PPP2R1A: variants seen among roughly 807,000 people sequenced by gnomAD.
PPP2R1A encodes serine/threonine-protein phosphatase 2A 65 kDa regulatory subunit A alpha isoform.
In PPP2R1A, 15 loss-of-function variants were observed where a neutral mutation model predicts 67.1. The observed-to-expected ratio is 0.22, with a 90% CI of 0.15 to 0.34. The LOEUF (loss-of-function observed/expected upper bound fraction) is 0.34. Ranked by LOEUF, PPP2R1A falls within the 10% of genes least tolerant of loss-of-function variation. The pLI, the probability that PPP2R1A is intolerant of heterozygous loss-of-function variation, is 1.00. For synonymous variants in PPP2R1A, 337 were observed against 325.0 expected (o/e 1.04, Z -0.40); for missense variants, 369 against 775.0 (o/e 0.48, Z 6.22).
chr19:52,216,185 G>A lies in PPP2R1A; in HGVS notation c.993+111G>A, dbSNP rs1013970825. On this transcript the variant is annotated intron_variant, in intron 8 of 14. Coordinates refer to ENST00000322088, the MANE Select transcript of PPP2R1A (RefSeq NM_014225.6). This position sits in a 1 kb window ranked among gnomAD's most constrained non-coding sequence, Gnocchi z 4.3. ...CTGCAAACTAGGTTCCCAGCCCTCT[G>A]GGACCAGGCAGCTCTTGGGTTTCAA... The A allele has an allele frequency of 1.6e-6, 2 of 1,224,714 alleles. No individual in the cohort carries two copies. Among genetic ancestry groups the A allele is most frequent in the African/African-American group, 1.5e-5 (1 of 66,828 alleles). The allele number at this position is 1,224,714 out of a possible 1,614,324, so 75.9% of individuals were successfully genotyped here. A position where few individuals can be genotyped will look rare whatever the true frequency, so the allele number is the denominator to read the frequency against.
chr19:52,211,776 A>G lies in PPP2R1A; in HGVS notation c.503+284A>G. On this transcript the variant is annotated intron_variant, in intron 4 of 14. Transcript: ENST00000322088. The surrounding 1 kb of genome is among the most constrained non-coding windows in gnomAD (Gnocchi z 5.3). ...AGGATTTAAAAGAATTATCACACAT[A>G]AAGTGCTTAGAGCAAAATCTGGAAC... The G allele has an allele frequency of 2.1e-6, 1 of 474,968 alleles. No individual in the cohort carries two copies. The highest frequency in any genetic ancestry group is 3.7e-6 in the Non-Finnish European group (1 of 267,936). The allele number at this position is 474,968 out of a possible 1,614,324, so 29.4% of individuals were successfully genotyped here.
chr19:52,206,990 T>G (rs1245229134), intron 3 of PPP2R1A, among the ~76,000 whole-genome samples: 3 of 152,198 alleles, frequency 2.0e-5, no homozygotes, highest in Non-Finnish European at 4.4e-5. Flanking sequence ...AGAATGGTGC[T>G]TATCATTGTT....
intron 3 of PPP2R1A, among the ~76,000 whole-genome samples, chr19:52,210,130 G>C (rs1423094404): frequency 6.6e-6 from 1 of 152,036 alleles, no homozygotes; most frequent in Non-Finnish European, 1.5e-5. Flanking sequence ...GTCAGCCCAA[G>C]TTGAATTTCA....
chr19:52,224,360 A>T (rs1217519401), intron 13 of PPP2R1A, among the ~76,000 whole-genome samples: 1 of 152,184 alleles, frequency 6.6e-6, no homozygotes, highest in Non-Finnish European at 1.5e-5. Flanking sequence ...ATGAGAGTGG[A>T]TGCCTCCTCT....
At chr19:52,210,464 C>G (rs1416460122) in intron 3 of PPP2R1A, among the ~76,000 whole-genome samples, 2 of 150,146 alleles carry the variant, frequency 1.3e-5, no homozygotes, top group Non-Finnish European at 3.0e-5. Flanking sequence ...GCAAGCCAGG[C>G]TGTACCTCAG....
At chr19:52,201,556 G>A (rs377524328) in intron 1 of PPP2R1A, 14 of 183,758 alleles carry the variant, frequency 7.6e-5, no homozygotes, top group African/African-American at 1.2e-4. Context: ...CAGAGGAAGC[G>A]TGTTATAAAC....
At chr19:52,224,040 C>G (rs1331116969) in intron 13 of PPP2R1A, among the ~76,000 whole-genome samples, 2 of 152,134 alleles carry the variant, frequency 1.3e-5, no homozygotes, top group Non-Finnish European at 2.9e-5. Context: ...GAAACAAATG[C>G]CTGCTATAAG....
intron 9 of PPP2R1A, among the ~76,000 whole-genome samples, chr19:52,218,549 T>G (rs1978723114): frequency 6.6e-6 from 1 of 152,246 alleles, no homozygotes. Context: ...TGACAAATTT[T>G]ATGACTTAAG....
intron 2 of PPP2R1A, among the ~76,000 whole-genome samples, chr19:52,203,097 G>T (rs1309115576): frequency 6.6e-6 from 1 of 152,198 alleles, no homozygotes; most frequent in Non-Finnish European, 1.5e-5. Context: ...TCTTGTGTAT[G>T]GGAACATCTT....
chr19:52,194,388 A>G (rs916131253), intron 1 of PPP2R1A, among the ~76,000 whole-genome samples: 1 of 152,228 alleles, frequency 6.6e-6, no homozygotes, highest in African/African-American at 2.4e-5. Context: ...GACCAGGACT[A>G]GATCAAGTGA....
rs1331816197 is a variant in PPP2R1A at position 52,213,563 on chromosome 19, G to A, written c.807+453G>A. On this transcript the variant is annotated intron_variant, in intron 6 of 14. Coordinates refer to ENST00000322088, the MANE Select transcript of PPP2R1A (RefSeq NM_014225.6). This position sits in a 1 kb window ranked among gnomAD's most constrained non-coding sequence, Gnocchi z 4.2. ...GGTGGCGCAATCTTGGCTCACTGCA[G>A]CCTGTCCCTCCCGGGTGCAGGCATT... is the stretch of plus-strand genomic sequence containing the variant. Among the ~76,000 whole-genome samples the A allele has an allele frequency of 1.4e-5, 2 of 142,802 alleles. No homozygotes were observed. Among genetic ancestry groups the A allele is most frequent in the East Asian group, 4.3e-4 (2 of 4,640 alleles). 93.7% of individuals were successfully genotyped at this position (142,802 alleles called of 152,430 possible). A position where few individuals can be genotyped will look rare whatever the true frequency, so the allele number is the denominator to read the frequency against.
At chr19:52,204,402 G>A (rs138124018) in intron 2 of PPP2R1A, among the ~76,000 whole-genome samples, 132 of 152,326 alleles carry the variant, frequency 8.7e-4, no homozygotes, top group African/African-American at 3.1e-3. Flanking sequence ...CAGGTAAGAA[G>A]CTGTTGCAGT....
rs2122337805 is a variant in PPP2R1A, at chr19:52,212,992, A to T, written c.689A>T (p.Asn230Ile). The T allele has an allele frequency of 1.2e-6, 2 of 1,610,076 alleles. No homozygotes were observed. The highest frequency in any genetic ancestry group is 1.7e-6 in the Non-Finnish European group (2 of 1,178,408). The change falls in exon 6 of 15, where the codon AAC becomes ATC. Residue 230 changes from asparagine (N) to isoleucine (I), a missense_variant. Around this residue, in one of 2 missense-constraint regions of PPP2R1A, gnomAD observed 276 missense variants for 508.4 expected, o/e 0.54. Transcript: ENST00000322088. This position sits in a 1 kb window ranked among gnomAD's most constrained non-coding sequence, Gnocchi z 4.1. ...CTGCTGGCGGTGGAGGCGTGCGTGA[A>T]CATCGCCCAGCTTCTGCCCCAGGAG... is the stretch of plus-strand genomic sequence containing the variant. Reference protein sequence around the residue: ...VRLLAVEACVNIAQLLPQEDL... With the variant: ...VRLLAVEACVIIAQLLPQEDL...
intron 3 of PPP2R1A, among the ~76,000 whole-genome samples, chr19:52,208,463 C>G (rs967760989): frequency 2.0e-5 from 3 of 152,054 alleles, no homozygotes; most frequent in Non-Finnish European, 1.5e-5. Context: ...GCCACCGTGC[C>G]TGGGTGTGAG....
At chr19:52,202,271 C>T (rs1054859975) in intron 2 of PPP2R1A, among the ~76,000 whole-genome samples, 34 of 101,834 alleles carry the variant, frequency 3.3e-4, no homozygotes, top group Non-Finnish European at 2.3e-5. Flanking sequence ...GTTTGAGTTG[C>T]AGCTCCAACA....
At chr19:52,191,447 G>A (rs373674274) in intron 1 of PPP2R1A, 119 of 152,290 alleles carry the variant, frequency 7.8e-4, no homozygotes, top group African/African-American at 2.6e-3. Context: ...GTAATTATTG[G>A]GAGTGGTGAT....
chr19:52,225,506 A>G (rs1300763534), intron 13 of PPP2R1A, among the ~76,000 whole-genome samples: 1 of 152,200 alleles, frequency 6.6e-6, no homozygotes, highest in African/African-American at 2.4e-5. Context: ...TGAAATATGC[A>G]AAATGTTATT....
rs745588140 is a variant in PPP2R1A at position 52,201,931 on chromosome 19, G to C, written c.79-13G>C. ...TCTAACATTCTCCCCTCCTCTTCTT[G>C]TTCTCTCATTAGCTTCGCCTCAACA... On this transcript the variant is annotated splice_polypyrimidine_tract_variant and intron_variant, in intron 1 of 14. Coordinates refer to ENST00000322088, the MANE Select transcript of PPP2R1A (RefSeq NM_014225.6). 12 of 1,613,082 alleles carry C rather than the reference G, an allele frequency of 7.4e-6. No homozygotes were observed. The highest frequency in any genetic ancestry group is 1.1e-5 in the South Asian group (1 of 91,048).
In PPP2R1A at chr19:52,216,283, A is replaced by G. The variant is rs1978566794; in HGVS notation, c.993+209A>G. Among the ~76,000 whole-genome samples the G allele has an allele frequency of 6.6e-6, 1 of 152,096 alleles. No homozygotes were observed. The highest frequency in any genetic ancestry group is 1.5e-5 in the Non-Finnish European group (1 of 68,016). Reference sequence around the variant, plus strand: ...AGTACTTTCTAGAACCTCAGATGTCACTGAGTCCTGTCATTCACAGGGTTT... The same window carrying G: ...AGTACTTTCTAGAACCTCAGATGTCGCTGAGTCCTGTCATTCACAGGGTTT... On this transcript the variant is annotated intron_variant, in intron 8 of 14. Transcript: ENST00000322088. The surrounding 1 kb of genome is among the most constrained non-coding windows in gnomAD (Gnocchi z 4.3).
Sources: allele counts gnomAD v4.1 joint callset (sites outside exome capture counted in the v4.1 genomes callset), GRCh38; gene constraint gnomAD v4.1.1; regional missense constraint gnomAD v4.1.1; non-coding constraint Gnocchi (gnomAD v3.1); transcripts MANE v1.5; gene names NCBI Gene and HGNC (gene_info 2026-07-23, HGNC 2026-07-21).